GPR158: variants seen among roughly 807,000 people sequenced by gnomAD.
GPR158 encodes the protein G protein-coupled receptor 158.
In GPR158, 30 loss-of-function variants were observed where a neutral mutation model predicts 78.2. The ratio of observed to expected loss-of-function variants is 0.38; its 90% CI spans 0.29 to 0.52. The LOEUF (loss-of-function observed/expected upper bound fraction) is 0.52, where lower values mean the gene tolerates loss of function less well. Among genes scored for constraint, GPR158 ranks in the 20% least tolerant of loss-of-function variants. GPR158 has a pLI of 0.83. For missense variants in GPR158, 1,463 were observed against 1,523.5 expected, an observed-to-expected ratio of 0.96 and a Z score of 0.66; for synonymous variants, 581 against 591.1, an observed-to-expected ratio of 0.98 and a Z score of 0.25.
chr10:25,226,034 G>T (rs1365869266), intron 2 of GPR158, among the ~76,000 whole-genome samples: 1 of 152,086 alleles, frequency 6.6e-6, no homozygotes, highest in Non-Finnish European at 1.5e-5. Context: ...TTCATTTACT[G>T]AATCACTTAG....
At chr10:25,584,110 C>T (rs1334054939) in intron 7 of GPR158, among the ~76,000 whole-genome samples, 1 of 136,852 alleles carries the variant, frequency 7.3e-6, no homozygotes, top group Non-Finnish European at 1.6e-5. Context: ...ATTAAAAAGA[C>T]TTCAGTTTCT....
intron 2 of GPR158, among the ~76,000 whole-genome samples, chr10:25,249,059 T>G (rs1853748853): frequency 6.6e-6 from 1 of 151,894 alleles, no homozygotes; most frequent in South Asian, 2.1e-4. Context: ...TCCTTGGTAT[T>G]TTATTCTCTT....
At chr10:25,478,643 T>G (rs1267436453) in intron 5 of GPR158, among the ~76,000 whole-genome samples, 1 of 152,064 alleles carries the variant, frequency 6.6e-6, no homozygotes, top group East Asian at 1.9e-4. Flanking sequence ...TTTTGTCACT[T>G]TTTAATTTTT....
chr10:25,236,468 A>G (rs929879221), intron 2 of GPR158, among the ~76,000 whole-genome samples: 5 of 152,320 alleles, frequency 3.3e-5, no homozygotes, highest in East Asian at 1.9e-4. Flanking sequence ...AGATTGCACC[A>G]CTGCACTCCA....
intron 2 of GPR158, among the ~76,000 whole-genome samples, chr10:25,334,230 CAAT>C (rs1417980103): frequency 1.3e-5 from 2 of 151,904 alleles, no homozygotes; most frequent in Admixed American, 1.3e-4. Flanking sequence ...TACGTAATAA[CAAT>C]AAAACCCCAA....
At chr10:25,331,653 T>C (rs1855125256) in intron 2 of GPR158, among the ~76,000 whole-genome samples, 1 of 152,222 alleles carries the variant, frequency 6.6e-6, no homozygotes, top group Non-Finnish European at 1.5e-5. Context: ...AAATATCTGG[T>C]CACCGCTGCC....
chr10:25,530,671 G>T (rs906910923), intron 5 of GPR158, among the ~76,000 whole-genome samples: 3 of 152,186 alleles, frequency 2.0e-5, no homozygotes, highest in African/African-American at 7.2e-5. Flanking sequence ...TTCAGGTCTT[G>T]CTTACATTAA....
At chr10:25,309,970 T>C (rs552822383) in intron 2 of GPR158, among the ~76,000 whole-genome samples, 23 of 152,316 alleles carry the variant, frequency 1.5e-4, no homozygotes, top group African/African-American at 5.5e-4. Flanking sequence ...TTTGATGTCA[T>C]ATTCATGAAA....
At chr10:25,310,627 G>A (rs67205918) in intron 2 of GPR158, among the ~76,000 whole-genome samples, 6,489 of 151,946 alleles carry the variant, frequency 0.043, 151 homozygotes, top group African/African-American at 0.052. Context: ...TATTTATTAG[G>A]GGTGTTTGTA....
At chr10:25,338,469 TTATACGTATAA>T (rs1167138405) in intron 2 of GPR158, among the ~76,000 whole-genome samples, 1,793 of 136,588 alleles carry the variant, frequency 0.013, 48 homozygotes, top group African/African-American at 0.048. Context: ...ATTACGTATA[TTATACGTATAA>T]TATACGTATA....
chr10:25,588,445 G>A (rs1251507058), intron 7 of GPR158, among the ~76,000 whole-genome samples: 4 of 152,208 alleles, frequency 2.6e-5, no homozygotes, highest in African/African-American at 4.8e-5. Context: ...ACCCACAGAA[G>A]ACATGATTTC....
Position 25,497,714 on chromosome 10 carries a change from T to C in GPR158, c.1404+30995T>C, listed in dbSNP as rs185905122. 1.8e-4 allele frequency among the ~76,000 whole-genome samples: 27 copies of C among 152,266 alleles called. No homozygotes were observed. The East Asian group carries it at 5.2e-3, about 29-fold the overall frequency. On this transcript the variant is annotated intron_variant, in intron 5 of 10. Coordinates refer to ENST00000376351, the MANE Select transcript of GPR158 (RefSeq NM_020752.3). ...GGTGAATAAAATGGTGAAGAAGGGA[T>C]AAATAATCTCTGCCTTCATGGAGTT...
At chr10:25,553,462 T>C (rs1470928502) in intron 6 of GPR158, among the ~76,000 whole-genome samples, 1 of 152,180 alleles carries the variant, frequency 6.6e-6, no homozygotes, top group Non-Finnish European at 1.5e-5. Flanking sequence ...TTTACTATTA[T>C]ATTCTGTTTT....
intron 6 of GPR158, among the ~76,000 whole-genome samples, chr10:25,554,000 G>A (rs1314726691): frequency 6.6e-6 from 1 of 152,090 alleles, no homozygotes; most frequent in Non-Finnish European, 1.5e-5. Flanking sequence ...AATGGGTTAT[G>A]GCTGCACAGA....
chr10:25,599,311 G>C lies in GPR158; in HGVS notation c.*37G>C. On this transcript the variant is annotated 3_prime_UTR_variant, in exon 11 of 11. Coordinates refer to ENST00000376351, the MANE Select transcript of GPR158 (RefSeq NM_020752.3). ...AGAAGAGGAAAAGGAGGGAACCCCG[G>C]ATTGGATATGAGACAGAAGATATAA... is the stretch of plus-strand genomic sequence containing the variant. 3 of 1,416,648 alleles carry C rather than the reference G, an allele frequency of 2.1e-6. No individual in the cohort carries two copies. The highest frequency in any genetic ancestry group is 2.0e-6 in the Non-Finnish European group (2 of 1,023,360). The allele number at this position is 1,416,648 out of a possible 1,614,324, so 87.8% of individuals were successfully genotyped here.
At chr10:25,411,663 C>T (rs548513071) in intron 3 of GPR158, among the ~76,000 whole-genome samples, 164 of 152,070 alleles carry the variant, frequency 1.1e-3, no homozygotes, top group African/African-American at 3.5e-3. Flanking sequence ...AGGCCAGGTG[C>T]GGTGGCTCAC....
chr10:25,191,117 A>G (rs905516918), intron 1 of GPR158, among the ~76,000 whole-genome samples: 1 of 152,236 alleles, frequency 6.6e-6, no homozygotes, highest in African/African-American at 2.4e-5. Flanking sequence ...TTTATGAAAA[A>G]GAGGCAAATA....
chr10:25,591,766 G>A (rs1837343664), intron 8 of GPR158, among the ~76,000 whole-genome samples: 1 of 152,004 alleles, frequency 6.6e-6, no homozygotes, highest in Non-Finnish European at 1.5e-5. Flanking sequence ...GCCTAGATTG[G>A]ATCAGACTGT....
At chr10:25,550,708 G>A (rs1836715399) in intron 5 of GPR158, among the ~76,000 whole-genome samples, 2 of 152,006 alleles carry the variant, frequency 1.3e-5, no homozygotes, top group Non-Finnish European at 1.5e-5. Flanking sequence ...CCATTAACTC[G>A]TCATTTAACA....
Sources: gnomAD v4.1 joint callset for allele counts (sites outside exome capture counted in the v4.1 genomes callset) on GRCh38, gnomAD v4.1.1 for gene constraint, MANE v1.5 for transcripts, NCBI Gene and HGNC (gene_info 2026-07-23, HGNC 2026-07-21) for gene names.